The following ANAPC4 variants were observed in gnomAD, a reference collection of about 807,000 sequenced individuals.
ANAPC4 encodes anaphase-promoting complex subunit 4.
Under a neutral mutation model 119.8 loss-of-function variants are expected in ANAPC4, and 63 were observed. That is an observed-to-expected ratio of 0.53 (90% CI 0.43 to 0.65). The LOEUF is 0.65. Among genes scored for constraint, ANAPC4 ranks in the 30% least tolerant of loss-of-function variants. The pLI is 0.00. For missense variants in ANAPC4, 716 were observed against 945.1 expected (o/e 0.76, Z 3.18); for synonymous variants, 283 against 318.6 (o/e 0.89, Z 1.19).
chr4:25,402,707 A>G (rs1008638282), intron 16 of ANAPC4, among the ~76,000 whole-genome samples: 4 of 152,220 alleles, frequency 2.6e-5, no homozygotes, highest in African/African-American at 9.6e-5. Flanking sequence ...AAGAAAGACT[A>G]TTACACAGTT....
chr4:25,418,195 A>G lies in ANAPC4; in HGVS notation c.2240A>G (p.Asp747Gly). 6.2e-7 allele frequency: 1 copy of G among 1,614,086 alleles called. No homozygotes were observed. Among genetic ancestry groups the G allele is most frequent in the Non-Finnish European group, 8.5e-7 (1 of 1,179,958 alleles). Residue 747 changes from aspartate (D) to glycine (G), a missense_variant, in exon 29 of 29, where the codon GAC becomes GGC. This residue lies in a region of ANAPC4 where 504 missense variants were observed against 615.8 expected (regional missense o/e 0.82). Transcript: ENST00000315368. ...NLRHVRVFEM[D>G]IDDEWELDES... is the part of the protein sequence containing the mutation. ...CGTCATGTGAGAGTATTTGAAATGG[A>G]CATAGATGATGAATGGGAGCTCGAT...
intron 21 of ANAPC4, 21 bp from the exon 22 acceptor site, chr4:25,413,624 T>A: frequency 6.3e-7 from 1 of 1,575,184 alleles, no homozygotes; most frequent in South Asian, 1.1e-5. Context: ...TATTTTTGTT[T>A]CTGTTTTTGT....
At position 25,394,831 on chromosome 4, in the gene ANAPC4, C is replaced by T. The variant is rs949367854; in HGVS notation, c.987C>T (p.Gly329=). The T allele has an allele frequency of 1.2e-6, 2 of 1,609,978 alleles. No individual in the cohort carries two copies. Among genetic ancestry groups the T allele is most frequent in the Non-Finnish European group, 1.7e-6 (2 of 1,178,756 alleles). ...ATATATTTTCCTTTTTTAATTAGGG[C>T]TTGAAAAAGCTTGGCCAGTCTATAG... is the stretch of plus-strand genomic sequence containing the variant. The part of the protein sequence containing the change: ...TLLMNQLTVK[G]LKKLGQSIES... Residue 329 remains glycine (G), a splice_region_variant and synonymous_variant, in exon 14 of 29, where the codon GGC becomes GGT. Coordinates refer to ENST00000315368, the MANE Select transcript of ANAPC4 (RefSeq NM_013367.3).
intron 20 of ANAPC4, 72 bp from the exon 21 acceptor site, chr4:25,409,624 CTT>C: frequency 3.4e-6 from 4 of 1,169,090 alleles, no homozygotes; most frequent in Non-Finnish European, 4.9e-6. Flanking sequence ...TTTTTTTTGT[CTT>C]TTACTTTTTT....
intron 2 of ANAPC4, among the ~76,000 whole-genome samples, chr4:25,378,893 CAA>C (rs112624835): frequency 3.3e-5 from 5 of 152,174 alleles, no homozygotes; most frequent in African/African-American, 9.6e-5. Flanking sequence ...GCAAGTATGA[CAA>C]AGCAAGGCAA....
chr4:25,401,102 T>G (rs1025734670), intron 16 of ANAPC4, among the ~76,000 whole-genome samples: 1 of 152,232 alleles, frequency 6.6e-6, no homozygotes, highest in Non-Finnish European at 1.5e-5. Context: ...TTTCGTTTTG[T>G]GGATGTGACA....
At chr4:25,393,043 A>C (rs530468101) in intron 10 of ANAPC4, among the ~76,000 whole-genome samples, 1 of 152,206 alleles carries the variant, frequency 6.6e-6, no homozygotes, top group Non-Finnish European at 1.5e-5. Flanking sequence ...AGCGAGACTC[A>C]AGGGCTGAAG....
intron 10 of ANAPC4, among the ~76,000 whole-genome samples, chr4:25,392,694 A>G (rs1722416975): frequency 8.3e-6 from 1 of 121,170 alleles, no homozygotes; most frequent in Admixed American, 8.6e-5. Context: ...ATTGTGGGAA[A>G]AACAGTCTTC....
At chr4:25,415,645 C>A in intron 26 of ANAPC4, 105 bp downstream of exon 26, 1 of 866,710 alleles carries the variant, frequency 1.2e-6, no homozygotes, top group Non-Finnish European at 1.8e-6. Context: ...GGTAAAAGGG[C>A]TTTGCCACTT....
chr4:25,393,750 T>G (rs1560435759), intron 10 of ANAPC4, 55 bp from the exon 11 acceptor site: 2 of 1,074,326 alleles, frequency 1.9e-6, no homozygotes, highest in East Asian at 5.2e-5. Context: ...ATTATTTAGA[T>G]AGCAAGTTGG....
At chr4:25,401,146 C>T (rs532429507) in intron 16 of ANAPC4, among the ~76,000 whole-genome samples, 1 of 152,306 alleles carries the variant, frequency 6.6e-6, no homozygotes, top group South Asian at 2.1e-4. Context: ...AATTAGATTG[C>T]TGTTCCCTGA....
intron 10 of ANAPC4, 76 bp from the exon 11 acceptor site, chr4:25,393,729 C>T (rs989504952): frequency 7.1e-5 from 55 of 778,916 alleles, no homozygotes; most frequent in Non-Finnish European, 1.6e-5. Context: ...GACACTTGAT[C>T]ATAAGCACAT....
In ANAPC4 at chr4:25,377,414, G is replaced by T; in HGVS notation, c.-10-4G>T. On this transcript the variant is annotated splice_polypyrimidine_tract_variant and splice_region_variant and intron_variant, in intron 1 of 28. Transcript: ENST00000315368. ...GCCGGCCTCTGACTGGGGTGTCGTT[G>T]CAGGGCCGTCCCCATGTTGCGTTTT... The T allele has an allele frequency of 6.2e-7, 1 of 1,613,616 alleles. No homozygotes were observed. The highest frequency in any genetic ancestry group is 8.5e-7 in the Non-Finnish European group (1 of 1,179,778).
In ANAPC4 at chr4:25,418,222, A is replaced by T. The variant is rs17855710; in HGVS notation, c.2267A>T (p.Glu756Val). 2 of 1,614,088 alleles carry T rather than the reference A, an allele frequency of 1.2e-6. No homozygotes were observed. Among genetic ancestry groups the T allele is most frequent in the South Asian group, 2.2e-5 (2 of 91,080 alleles). Reference sequence around the variant, plus strand: ...ATAGATGATGAATGGGAGCTCGATGAGTCTTCAGATGAAGAGGAGGAGGCC... The same window carrying T: ...ATAGATGATGAATGGGAGCTCGATGTGTCTTCAGATGAAGAGGAGGAGGCC... Reference protein sequence around the residue: ...MDIDDEWELDESSDEEEEASN... With the variant: ...MDIDDEWELDVSSDEEEEASN... Residue 756 changes from glutamate (E) to valine (V), a missense_variant, in exon 29 of 29, where the codon GAG (glutamate) becomes GTG (valine). Glu to Val is a moderately radical substitution (Grantham distance 121, BLOSUM62 -2). Transcript: ENST00000315368.
intron 21 of ANAPC4, among the ~76,000 whole-genome samples, 191 bp downstream of exon 21, chr4:25,409,982 A>G (rs1181975118): frequency 6.6e-6 from 1 of 152,232 alleles, no homozygotes; most frequent in Non-Finnish European, 1.5e-5. Flanking sequence ...GATAGAAGAC[A>G]CTCTGAAGTT....
chr4:25,381,161 C>T (rs2324761), intron 3 of ANAPC4, among the ~76,000 whole-genome samples: 129,694 of 152,268 alleles, frequency 0.85, 55,281 homozygotes, highest in African/African-American at 0.86. Context: ...AAAAAGTGAA[C>T]TGTTTTTGTA....
intron 3 of ANAPC4, chr4:25,380,757 T>G (rs1721670109): frequency 3.5e-6 from 1 of 284,978 alleles, no homozygotes; most frequent in Admixed American, 4.7e-5. Context: ...TGTTTTGGTT[T>G]TGTTCTTTCC....
At chr4:25,402,309 A>G (rs76003590) in intron 16 of ANAPC4, among the ~76,000 whole-genome samples, 1 of 152,198 alleles carries the variant, frequency 6.6e-6, no homozygotes, top group Non-Finnish European at 1.5e-5. Context: ...TTTGCCTAGA[A>G]TAATTATCGT....
intron 26 of ANAPC4, chr4:25,415,749 G>A (rs10517073): frequency 0.57 from 264,202 of 462,584 alleles, 76,620 homozygotes; most frequent in Non-Finnish European, 0.59. Flanking sequence ...AGTTTATGTC[G>A]TACGGTTTCC....
Sources: gnomAD v4.1 joint callset for allele counts (sites outside exome capture counted in the v4.1 genomes callset) on GRCh38, gnomAD v4.1.1 for gene constraint, gnomAD v4.1.1 regional missense constraint, MANE v1.5 for transcripts, NCBI Gene and HGNC (gene_info 2026-07-23, HGNC 2026-07-21) for gene names.